SERPINB7: variants seen among roughly 807,000 people sequenced by gnomAD.
The protein encoded by SERPINB7 is serpin family B member 7.
SERPINB7 carries 31 observed loss-of-function variants against 37.4 expected under a neutral mutation model. The ratio of observed to expected loss-of-function variants is 0.83; its 90% CI spans 0.62 to 1.12. The LOEUF is 1.12. Ranked by LOEUF, SERPINB7 falls within the 50% of genes most tolerant of loss-of-function variation. The probability of loss-of-function intolerance (pLI) is 0.00; values close to 1 mark genes in which losing one functional copy is unlikely to be tolerated. For missense variants in SERPINB7, 521 were observed against 455.3 expected, an observed-to-expected ratio of 1.14 and a Z score of -1.31; for synonymous variants, 163 against 166.1, an observed-to-expected ratio of 0.98 and a Z score of 0.14.
At chr18:63,770,739 T>C (rs1330782064), upstream of SERPINB7, among the ~76,000 whole-genome samples, 1 of 152,130 alleles carries the variant, frequency 6.6e-6, no homozygotes, top group Non-Finnish European at 1.5e-5. Context: ...TTTCTATGCA[T>C]GAGCCATGGG....
At chr18:63,801,461 A>G (rs1347575081) in intron 7 of SERPINB7, among the ~76,000 whole-genome samples, 2 of 152,208 alleles carry the variant, frequency 1.3e-5, no homozygotes, top group African/African-American at 4.8e-5. Flanking sequence ...CCTGCTGCAC[A>G]GACAAAATCA....
At chr18:63,764,220 G>A (rs1019017751) in intron 1 of SERPINB7, among the ~76,000 whole-genome samples, 1 of 152,174 alleles carries the variant, frequency 6.6e-6, no homozygotes, top group Non-Finnish European at 1.5e-5. Flanking sequence ...ATCTTGGGTA[G>A]GATTATGTGA....
intron 1 of SERPINB7, among the ~76,000 whole-genome samples, chr18:63,762,643 G>A (rs1016728991): frequency 6.6e-6 from 1 of 152,116 alleles, no homozygotes; most frequent in African/African-American, 2.4e-5. Flanking sequence ...GGGGAGTGAC[G>A]AGAGCAGAAA....
chr18:63,804,343 A>G lies in SERPINB7; in HGVS notation c.851A>G (p.Asn284Ser), dbSNP rs1405582216. 1.4e-5 allele frequency: 22 copies of G among 1,613,648 alleles called. No individual in the cohort carries two copies. The highest frequency in any genetic ancestry group is 1.8e-5 in the Non-Finnish European group (21 of 1,179,832). The part of the protein sequence containing the change: ...VFFPQFKIEK[N>S]YEMKQYLRAL... ...TTTCCTCAGTTCAAGATAGAGAAGA[A>G]TTATGAAATGAAACAATATTTGAGA... Residue 284 changes from asparagine (N) to serine (S), a missense_variant, in exon 8 of 8, where the codon AAT becomes AGT. Physicochemically the swap from Asn to Ser is conservative, Grantham distance 46 (BLOSUM62 1). Transcript: ENST00000398019.
At chr18:63,791,542 A>G (rs62098579) in intron 2 of SERPINB7, among the ~76,000 whole-genome samples, 3,316 of 152,316 alleles carry the variant, frequency 0.022, 91 homozygotes, top group East Asian at 0.06. Flanking sequence ...TGTTAAAATT[A>G]TAGCTGCCCA....
intron 6 of SERPINB7, among the ~76,000 whole-genome samples, chr18:63,800,056 C>T (rs2049530816): frequency 7.0e-6 from 1 of 143,048 alleles, no homozygotes; most frequent in South Asian, 2.3e-4. Flanking sequence ...GCTTAAATAG[C>T]GTATTTTTTT....
At chr18:63,778,730 T>C (rs749266399) in intron 1 of SERPINB7, among the ~76,000 whole-genome samples, 31 of 152,168 alleles carry the variant, frequency 2.0e-4, no homozygotes, top group Admixed American at 1.4e-3. Context: ...GTTTTGATGC[T>C]AATAATATAT....
In SERPINB7 at chr18:63,804,881, C is replaced by T. The variant is rs994963840; in HGVS notation, c.*246C>T. 19 of 477,416 alleles carry T rather than the reference C, an allele frequency of 4.0e-5. No homozygotes were observed. The highest frequency in any genetic ancestry group is 5.3e-4 in the Middle Eastern group (1 of 1,874). 29.6% of individuals were successfully genotyped at this position (477,416 alleles called of 1,614,324 possible). A position where few individuals can be genotyped will look rare whatever the true frequency, so the allele number is the denominator to read the frequency against. ...TCTAATTTCATTGTCTTTCTTCCCA[C>T]GCTCATTTCTATCATTCTCCCCCAT... On this transcript the variant is annotated 3_prime_UTR_variant, in exon 8 of 8. Coordinates refer to ENST00000398019, the MANE Select transcript of SERPINB7 (RefSeq NM_003784.4).
chr18:63,774,587 T>C (rs545104838), upstream of SERPINB7, among the ~76,000 whole-genome samples: 1 of 152,194 alleles, frequency 6.6e-6, no homozygotes, highest in Admixed American at 6.6e-5. Flanking sequence ...TACCTTTCCC[T>C]ACACCTGGTC....
Position 63,782,516 on chromosome 18 carries a change from T to C in SERPINB7, c.144T>C (p.Asp48=), listed in dbSNP as rs1296503999. Residue 48 remains aspartate, a synonymous_variant, in exon 2 of 8, where the codon GAT becomes GAC. Coordinates refer to ENST00000398019, the MANE Select transcript of SERPINB7 (RefSeq NM_003784.4). ...CCCTGGTCCGCTTGGGCGCTCAAGA[T>C]GACTCCCTCTCTCAGATTGATAAGG... The part of the protein sequence containing the change: ...ALALVRLGAQ[D]DSLSQIDKLL... 1.9e-6 allele frequency: 3 copies of C among 1,613,322 alleles called. No individual in the cohort carries two copies. The highest frequency in any genetic ancestry group is 2.5e-6 in the Non-Finnish European group (3 of 1,179,622).
At chr18:63,761,238 G>A (rs1033934624) in intron 1 of SERPINB7, among the ~76,000 whole-genome samples, 2 of 152,208 alleles carry the variant, frequency 1.3e-5, no homozygotes, top group Admixed American at 6.5e-5. Context: ...TTTAAAATTT[G>A]ACTGCCCTGC....
intron 1 of SERPINB7, among the ~76,000 whole-genome samples, chr18:63,762,831 T>A (rs1287534889): frequency 6.6e-6 from 1 of 152,200 alleles, no homozygotes; most frequent in Non-Finnish European, 1.5e-5. Context: ...CATTTTTATT[T>A]CTCAATCACC....
At chr18:63,771,793 G>T (rs2049212750), upstream of SERPINB7, among the ~76,000 whole-genome samples, 2 of 151,824 alleles carry the variant, frequency 1.3e-5, no homozygotes, top group Non-Finnish European at 2.9e-5. Context: ...AGATTTTGTG[G>T]GGATATTTAT....
intron 2 of SERPINB7, among the ~76,000 whole-genome samples, chr18:63,789,471 T>A (rs183367675): frequency 1.3e-4 from 20 of 152,294 alleles, no homozygotes; most frequent in African/African-American, 4.6e-4. Flanking sequence ...AAATAAATAA[T>A]TCCATGGAGT....
At chr18:63,767,443 A>G (rs2049186716) in intron 1 of SERPINB7, among the ~76,000 whole-genome samples, 2 of 152,084 alleles carry the variant, frequency 1.3e-5, no homozygotes, top group South Asian at 2.1e-4. Flanking sequence ...TGCTTTTTAG[A>G]GTTTTCAAAT....
At position 63,793,272 on chromosome 18, in the gene SERPINB7, C is replaced by A. The variant is rs1426321054; in HGVS notation, c.331C>A (p.His111Asn). 2 of 1,560,240 alleles carry A rather than the reference C, an allele frequency of 1.3e-6. 1 individual carries two copies. The highest frequency in any genetic ancestry group is 2.3e-5 in the South Asian group (2 of 87,468). ...GLFAEKVYGFHKDYIECAEKL... is the reference protein window; with the variant it reads ...GLFAEKVYGFNKDYIECAEKL... ...TTTTGCTGAAAAAGTGTATGGCTTT[C>A]ATAAGGTAAGTGAAACTGCCTTTGT... Residue 111 changes from histidine (H) to asparagine (N), a missense_variant, in exon 4 of 8, where the codon CAT becomes AAT. By Grantham distance (68) the His-to-Asn change is moderately conservative. Coordinates refer to ENST00000398019, the MANE Select transcript of SERPINB7 (RefSeq NM_003784.4).
chr18:63,784,480 A>G (rs2049344882), intron 2 of SERPINB7, among the ~76,000 whole-genome samples: 1 of 152,224 alleles, frequency 6.6e-6, no homozygotes, highest in Non-Finnish European at 1.5e-5. Context: ...AAAGTACATC[A>G]CTGTGAAGCT....
intron 1 of SERPINB7, among the ~76,000 whole-genome samples, chr18:63,780,367 T>C (rs975063931): frequency 1.3e-5 from 2 of 152,168 alleles, no homozygotes; most frequent in Non-Finnish European, 2.9e-5. Context: ...TTAATTTTGA[T>C]CTTATTTTTT....
intron 1 of SERPINB7, among the ~76,000 whole-genome samples, chr18:63,764,831 A>T (rs980087052): frequency 1.3e-5 from 2 of 152,136 alleles, no homozygotes; most frequent in Non-Finnish European, 2.9e-5. Flanking sequence ...TCATCACCTC[A>T]TATCTAAAGA....
Sources: allele counts gnomAD v4.1 joint callset (sites outside exome capture counted in the v4.1 genomes callset), GRCh38; gene constraint gnomAD v4.1.1; transcripts MANE v1.5; gene names NCBI Gene and HGNC (gene_info 2026-07-23, HGNC 2026-07-21).